Variants in NBAS observed in about 807,000 individuals in gnomAD.
NBAS encodes NAG/BC035112 fusion.
A neutral mutation model predicts 302.5 loss-of-function variants in NBAS; 219 were observed. The ratio of observed to expected loss-of-function variants is 0.72; its 90% CI spans 0.65 to 0.81. The LOEUF is 0.81. Among genes scored for constraint, NBAS ranks in the 30% least tolerant of loss-of-function variants. NBAS has a pLI of 0.00. For synonymous variants in NBAS, 1,118 were observed against 1,021.6 expected (o/e 1.09, Z -1.80); for missense variants, 2,932 against 2,841.6 (o/e 1.03, Z -0.72).
intron 11 of NBAS, among the ~76,000 whole-genome samples, chr2:15,497,962 T>C (rs1482033639): frequency 1.3e-5 from 2 of 152,238 alleles, no homozygotes; most frequent in Non-Finnish European, 2.9e-5. Context: ...AGATATGTTT[T>C]TAAAAGCTTA....
intron 32 of NBAS, among the ~76,000 whole-genome samples, chr2:15,365,667 T>C (rs182292045): frequency 6.6e-6 from 1 of 152,280 alleles, no homozygotes; most frequent in African/African-American, 2.4e-5. Flanking sequence ...GCTGATGCTA[T>C]ACCTTCACAC....
chr2:14,786,912 G>C, the NBAS span, among the ~76,000 whole-genome samples: 72 of 152,270 alleles, frequency 4.7e-4, 1 homozygote, highest in African/African-American at 1.7e-3. Flanking sequence ...GTCTAATGTT[G>C]ACAGTGGGGT....
At chr2:15,268,008 G>T (rs1441610771) in intron 44 of NBAS, among the ~76,000 whole-genome samples, 2 of 152,088 alleles carry the variant, frequency 1.3e-5, no homozygotes, top group Non-Finnish European at 2.9e-5. Flanking sequence ...CTATTATAGT[G>T]CATAAAATGT....
chr2:15,210,560 T>C (rs778037431), intron 48 of NBAS, among the ~76,000 whole-genome samples: 2 of 152,132 alleles, frequency 1.3e-5, no homozygotes, highest in Non-Finnish European at 2.9e-5. Context: ...GAGAAGAGTT[T>C]GGAAGTTCCT....
intron 22 of NBAS, 90 bp downstream of exon 22, chr2:15,427,620 AG>A: frequency 9.5e-7 from 1 of 1,049,292 alleles, no homozygotes; most frequent in Non-Finnish European, 1.5e-6. Flanking sequence ...TCATCAAGTA[AG>A]GTTTCATTGG....
chr2:14,791,542 G>A, the NBAS span, among the ~76,000 whole-genome samples: 4 of 152,044 alleles, frequency 2.6e-5, no homozygotes, highest in East Asian at 3.9e-4. Flanking sequence ...AGTGGTTCAC[G>A]CCTGTAATCC....
intron 28 of NBAS, among the ~76,000 whole-genome samples, chr2:15,390,211 T>C (rs1043538627): frequency 2.0e-5 from 3 of 152,200 alleles, no homozygotes; most frequent in Non-Finnish European, 2.9e-5. Flanking sequence ...AGCTCAGTTA[T>C]GGGGAATAAT....
chr2:14,990,678 T>C, the NBAS span, among the ~76,000 whole-genome samples: 5 of 152,134 alleles, frequency 3.3e-5, no homozygotes, highest in Non-Finnish European at 1.5e-5. Context: ...GTTGTCCAGG[T>C]TGGACTCTAC....
chr2:15,559,390 A>G (rs1048352310), intron 1 of NBAS, among the ~76,000 whole-genome samples: 5 of 152,252 alleles, frequency 3.3e-5, no homozygotes, highest in African/African-American at 1.2e-4. Flanking sequence ...ACAGATACGT[A>G]ATTGCTATAT....
the NBAS span, among the ~76,000 whole-genome samples, chr2:14,831,688 C>T: frequency 7.2e-5 from 11 of 152,270 alleles, no homozygotes; most frequent in Middle Eastern, 3.4e-3. Flanking sequence ...AAGCTGCTTT[C>T]GATGAAGCCC....
chr2:15,366,678 T>C lies in NBAS; in HGVS notation c.3719A>G (p.Asp1240Gly). ...ILPLQVRLCP[D>G]RISLIKECIS... ...ACACTCCTTGATGAGACTGATCCGATCAGGGCACAATCGCACTACAAAAGA... is the reference window on the plus strand; with the variant it reads ...ACACTCCTTGATGAGACTGATCCGACCAGGGCACAATCGCACTACAAAAGA... The change falls in exon 32 of 52, where the codon GAT (aspartate) becomes GGT (glycine). Residue 1240 changes from aspartate (D) to glycine (G), a missense_variant. Transcript: ENST00000281513. 1 of 1,613,984 alleles carries C rather than the reference T, an allele frequency of 6.2e-7. No homozygotes were observed. Among genetic ancestry groups the C allele is most frequent in the South Asian group, 1.1e-5 (1 of 91,070 alleles).
At chr2:15,234,191 GGAATTA>G (rs1667492861) in intron 46 of NBAS, among the ~76,000 whole-genome samples, 1 of 152,126 alleles carries the variant, frequency 6.6e-6, no homozygotes, top group Admixed American at 6.6e-5. Context: ...ACAAAGAATG[GGAATTA>G]GAAATGGTAA....
At chr2:15,343,142 C>G (rs1301295695) in intron 35 of NBAS, among the ~76,000 whole-genome samples, 1 of 152,068 alleles carries the variant, frequency 6.6e-6, no homozygotes, top group South Asian at 2.1e-4. Flanking sequence ...CCAGGCTATG[C>G]ATTTACACAA....
chr2:14,990,239 C>G, the NBAS span, among the ~76,000 whole-genome samples: 6 of 148,074 alleles, frequency 4.1e-5, no homozygotes, highest in South Asian at 1.3e-3. Flanking sequence ...ATGGTGAAAC[C>G]CTGTCCCTAC....
At chr2:15,056,044 G>A in the NBAS span, among the ~76,000 whole-genome samples, 6 of 150,132 alleles carry the variant, frequency 4.0e-5, no homozygotes, top group Admixed American at 4.0e-4. Flanking sequence ...AATAAACATT[G>A]ACTAAAAAAT....
rs1674640022 is a variant in NBAS at position 15,374,555 on chromosome 2, T to C, written c.3703+53A>G. 9 of 1,453,178 alleles carry C rather than the reference T, an allele frequency of 6.2e-6. No individual in the cohort carries two copies. In the South Asian group the frequency reaches 6.8e-5, roughly 11 times the overall value. 90.0% of individuals were successfully genotyped at this position (1,453,178 alleles called of 1,614,324 possible). A position where few individuals can be genotyped will look rare whatever the true frequency, so the allele number is the denominator to read the frequency against. ...TTTAAAAACTAAAAAAGAATACTAG[T>C]AAATTGCTGCAATATAAGTTAGTAA... On this transcript the variant is annotated intron_variant, in intron 31 of 51. Coordinates refer to ENST00000281513, the MANE Select transcript of NBAS (RefSeq NM_015909.4).
rs1333523962 is a variant in NBAS at position 15,305,470 on chromosome 2, T to A, written c.4797+2746A>T. Among the ~76,000 whole-genome samples the A allele has an allele frequency of 5.1e-5, 7 of 138,434 alleles. No individual in the cohort carries two copies. In the East Asian group the frequency reaches 1.2e-3, roughly 23 times the overall value. The allele number at this position is 138,434 out of a possible 152,430, so 90.8% of individuals were successfully genotyped here. On this transcript the variant is annotated intron_variant, in intron 40 of 51. Coordinates refer to ENST00000281513, the MANE Select transcript of NBAS (RefSeq NM_015909.4). Reference sequence around the variant, plus strand: ...AGCAGTTTTTTTTTTTTTTTTTTTTTAGATGGAATTTCACTCTTGTTGCCC... The same window carrying A: ...AGCAGTTTTTTTTTTTTTTTTTTTTAAGATGGAATTTCACTCTTGTTGCCC...
chr2:15,171,374 C>T (rs1664282482), intron 51 of NBAS, among the ~76,000 whole-genome samples: 1 of 152,102 alleles, frequency 6.6e-6, no homozygotes, highest in African/African-American at 2.4e-5. Flanking sequence ...AGATTTTTTT[C>T]CCACAATTAA....
the NBAS span, among the ~76,000 whole-genome samples, chr2:14,903,293 T>A: frequency 6.8e-6 from 1 of 146,994 alleles, no homozygotes; most frequent in Non-Finnish European, 1.5e-5. Context: ...ACATGCTACA[T>A]CCAGACTTTT....
Sources: gnomAD v4.1 joint callset for allele counts (sites outside exome capture counted in the v4.1 genomes callset) on GRCh38, gnomAD v4.1.1 for gene constraint, MANE v1.5 for transcripts, NCBI Gene and HGNC (gene_info 2026-07-23, HGNC 2026-07-21) for gene names.